MAGEC3: variants seen among roughly 807,000 people sequenced by gnomAD.
The protein encoded by MAGEC3 is melanoma-associated antigen C3.
MAGEC3 carries 34 observed loss-of-function variants against 35.3 expected under a neutral mutation model. The ratio of observed to expected loss-of-function variants is 0.96; its 90% CI spans 0.73 to 1.28. The LOEUF is 1.28. Among genes scored for constraint, MAGEC3 ranks in the 50% most tolerant of loss-of-function variants. The pLI, the probability that MAGEC3 is intolerant of heterozygous loss-of-function variation, is 0.00. For synonymous variants in MAGEC3, 202 were observed against 185.6 expected (o/e 1.09, Z -0.72); for missense variants, 561 against 483.6 (o/e 1.16, Z -1.50).
At position 141,864,482 on chromosome X, in the gene MAGEC3, G is replaced by A. The variant is rs936332623; in HGVS notation, c.124-989G>A. 8.1e-5 allele frequency among the ~76,000 whole-genome samples: 9 copies of A among 111,169 alleles called. 1 individual carries two copies. In the Middle Eastern group the frequency reaches 0.019, roughly 234 times the overall value. On this transcript the variant is annotated intron_variant, in intron 1 of 7. Transcript: ENST00000298296. ...AGATCATGTTCTTTGCAGGAACATC[G>A]ATGGGGCTGTAGGCGATTATCCTTA... is the stretch of plus-strand genomic sequence containing the variant.
At chrX:141,890,993 T>A (rs912273710) in intron 4 of MAGEC3, among the ~76,000 whole-genome samples, 13 of 112,111 alleles carry the variant, frequency 1.2e-4, no homozygotes, top group African/African-American at 4.2e-4. Context: ...CTACAGACTG[T>A]GTGATTAAAC....
chrX:141,869,086 G>A (rs980852358), intron 2 of MAGEC3, among the ~76,000 whole-genome samples: 7 of 108,461 alleles, frequency 6.5e-5, no homozygotes, highest in East Asian at 2.9e-4. Flanking sequence ...GGGTTTCACC[G>A]TGTTAGCCAG....
chrX:141,894,704 A>G, intron 4 of MAGEC3: 1 of 969,788 alleles, frequency 1.0e-6, no homozygotes, highest in Non-Finnish European at 1.3e-6. Flanking sequence ...CAAGAAGGGA[A>G]CTCTGTGGAA....
chrX:141,860,701 G>A (rs760708850), intron 1 of MAGEC3, among the ~76,000 whole-genome samples: 2 of 112,111 alleles, frequency 1.8e-5, no homozygotes, highest in African/African-American at 6.5e-5. Flanking sequence ...AATCATAAAA[G>A]GACAAATACT....
intron 1 of MAGEC3, among the ~76,000 whole-genome samples, chrX:141,855,281 C>A (rs763576171): frequency 1.8e-5 from 2 of 110,327 alleles, no homozygotes; most frequent in Non-Finnish European, 3.8e-5. Context: ...TTTCCTCATT[C>A]AATTAGAAAT....
Position 141,839,439 on chromosome X carries a change from G to A in MAGEC3, c.123+1001G>A. ...AAGAAGGATTATGGAGAAGAACGGA[G>A]CAAAATAAAAGCTTCATTCACTCTG... On this transcript the variant is annotated intron_variant, in intron 1 of 7. Transcript: ENST00000298296. The A allele has an allele frequency of 4.0e-6, 3 of 749,164 alleles. No homozygotes were observed. The South Asian group carries it at 2.0e-4, about 51-fold the overall frequency. The allele number at this position is 749,164 out of a possible 1,213,427, so 61.7% of individuals were successfully genotyped here.
intron 2 of MAGEC3, among the ~76,000 whole-genome samples, chrX:141,876,840 A>G (rs1007357569): frequency 8.9e-6 from 1 of 112,138 alleles, no homozygotes; most frequent in African/African-American, 3.2e-5. Flanking sequence ...AGTTAAGCAC[A>G]TGTTTATACA....
At chrX:141,867,692 A>G (rs775518835) in intron 2 of MAGEC3, among the ~76,000 whole-genome samples, 3 of 112,101 alleles carry the variant, frequency 2.7e-5, no homozygotes, top group Non-Finnish European at 5.6e-5. Context: ...AGTAACTGAG[A>G]TTTTCTGTCT....
chrX:141,897,217 A>G lies in MAGEC3; in HGVS notation c.1459A>G (p.Ile487Val). ...VTKAEMLTTV[I>V]KKYKDYFPMI... ...AAAGGCAGAGATGCTGACGACTGTCATCAAGAAGTATAAGGACTATTTTCC... is the reference window on the plus strand; with the variant it reads ...AAAGGCAGAGATGCTGACGACTGTCGTCAAGAAGTATAAGGACTATTTTCC... The change falls in exon 7 of 8, where the codon ATC (isoleucine) becomes GTC (valine). Residue 487 changes from isoleucine (I) to valine (V), a missense_variant. By Grantham distance (29) the Ile-to-Val change is conservative (BLOSUM62 3). Coordinates refer to ENST00000298296, the MANE Select transcript of MAGEC3 (RefSeq NM_138702.1). 2 of 1,212,116 alleles carry G rather than the reference A, an allele frequency of 1.7e-6. No homozygotes were observed. Among genetic ancestry groups the G allele is most frequent in the Non-Finnish European group, 2.2e-6 (2 of 895,603 alleles).
rs368139376 is a variant in MAGEC3, at chrX:141,846,050, C to T, written c.123+7612C>T. ...AGTTGTGATACCAGATGCTAAGATA[C>T]GGAGAGGACAGACAGCTCCTAGCAC... On this transcript the variant is annotated intron_variant, in intron 1 of 7. Coordinates refer to ENST00000298296, the MANE Select transcript of MAGEC3 (RefSeq NM_138702.1). Among the ~76,000 whole-genome samples the T allele has an allele frequency of 2.8e-4, 31 of 110,317 alleles. No homozygotes were observed. In the South Asian group the frequency reaches 0.01, roughly 37 times the overall value.
chrX:141,868,835 A>AT (rs1240349127), intron 2 of MAGEC3, among the ~76,000 whole-genome samples: 46 of 107,730 alleles, frequency 4.3e-4, no homozygotes, highest in African/African-American at 1.4e-3. Context: ...AAGTTCTTTG[A>AT]TTTTTTTTAA....
At chrX:141,867,147 A>G (rs1017672964) in intron 2 of MAGEC3, among the ~76,000 whole-genome samples, 1 of 111,347 alleles carries the variant, frequency 9.0e-6, no homozygotes, top group African/African-American at 3.3e-5. Flanking sequence ...TGTTCCATTA[A>G]AAAAAAATCT....
At chrX:141,865,997 T>C (rs16979902) in intron 2 of MAGEC3, among the ~76,000 whole-genome samples, 5,691 of 110,847 alleles carry the variant, frequency 0.051, 212 homozygotes, top group African/African-American at 0.13. Flanking sequence ...ATATCCTTGG[T>C]GTGAGGAAGC....
At chrX:141,862,826 G>C (rs2017823706) in intron 1 of MAGEC3, among the ~76,000 whole-genome samples, 2 of 112,008 alleles carry the variant, frequency 1.8e-5, no homozygotes, top group South Asian at 7.4e-4. Flanking sequence ...AGAGAGGTTG[G>C]TTAGTGGGTA....
intron 1 of MAGEC3, among the ~76,000 whole-genome samples, chrX:141,859,193 A>G (rs1443749910): frequency 9.1e-6 from 1 of 110,233 alleles, no homozygotes; most frequent in Non-Finnish European, 1.9e-5. Context: ...GTATCTTTCT[A>G]TATTAATAAG....
intron 4 of MAGEC3, among the ~76,000 whole-genome samples, chrX:141,883,319 A>G (rs1276836203): frequency 4.4e-5 from 5 of 112,416 alleles, no homozygotes; most frequent in Non-Finnish European, 1.9e-5. Flanking sequence ...AACTGTAAGC[A>G]AGGGCTAGAT....
intron 2 of MAGEC3, among the ~76,000 whole-genome samples, chrX:141,872,073 A>C (rs1424531474): frequency 2.7e-5 from 3 of 110,032 alleles, no homozygotes; most frequent in Non-Finnish European, 3.8e-5. Context: ...TGAGGGGTGA[A>C]AGCTTGACAT....
intron 4 of MAGEC3, among the ~76,000 whole-genome samples, chrX:141,892,512 A>G (rs952561588): frequency 9.0e-6 from 1 of 111,547 alleles, no homozygotes; most frequent in African/African-American, 3.3e-5. Context: ...AATGTTACTG[A>G]CTTTTTTCCT....
intron 4 of MAGEC3, among the ~76,000 whole-genome samples, chrX:141,882,390 C>T (rs182058324): frequency 4.3e-4 from 48 of 111,108 alleles, no homozygotes; most frequent in African/African-American, 1.5e-3. Flanking sequence ...TGCTGTTTAT[C>T]TAGTTTAAGA....
Sources: gnomAD v4.1 joint callset for allele counts (sites outside exome capture counted in the v4.1 genomes callset) on GRCh38, gnomAD v4.1.1 for gene constraint, MANE v1.5 for transcripts, NCBI Gene and HGNC (gene_info 2026-07-23, HGNC 2026-07-21) for gene names.